Variants in ZW10 observed in about 807,000 individuals in gnomAD.
The protein encoded by ZW10 is zw10 kinetochore protein, also known as centromere/kinetochore protein zw10 homolog.
Under a neutral mutation model 87.8 loss-of-function variants are expected in ZW10, and 53 were observed. The ratio of observed to expected loss-of-function variants is 0.60; its 90% CI spans 0.48 to 0.76. The LOEUF is 0.76. Ranked by LOEUF, ZW10 falls within the 30% of genes least tolerant of loss-of-function variation. The pLI, the probability that ZW10 is intolerant of heterozygous loss-of-function variation, is 0.00. For synonymous variants in ZW10, 312 were observed against 329.2 expected (o/e 0.95, Z 0.57); for missense variants, 837 against 923.0 (o/e 0.91, Z 1.21).
chr11:113,758,522 T>C (rs756183997), intron 6 of ZW10, 32 bp downstream of exon 6: 1 of 1,606,194 alleles, frequency 6.2e-7, no homozygotes, highest in African/African-American at 1.3e-5. Context: ...TCAGGAGATT[T>C]TGTGTAAATG....
chr11:113,767,237 T>C (rs2134898221), intron 2 of ZW10, among the ~76,000 whole-genome samples: 1 of 152,196 alleles, frequency 6.6e-6, no homozygotes, highest in Admixed American at 6.5e-5. Context: ...CTCTTTTTAT[T>C]TATTTTTTTT....
chr11:113,758,161 G>A (rs1015622093), intron 6 of ZW10, among the ~76,000 whole-genome samples: 40 of 147,960 alleles, frequency 2.7e-4, no homozygotes, highest in Non-Finnish European at 4.9e-4. Flanking sequence ...CGACAAAAGC[G>A]AAAACTCCAT....
intron 9 of ZW10, among the ~76,000 whole-genome samples, chr11:113,746,437 A>G (rs1049120077): frequency 6.8e-6 from 1 of 146,360 alleles, no homozygotes; most frequent in Non-Finnish European, 1.5e-5. Context: ...ACATAGTAGT[A>G]GTATGTATGT....
chr11:113,740,912 C>A (rs544499935), intron 11 of ZW10, among the ~76,000 whole-genome samples: 3 of 152,300 alleles, frequency 2.0e-5, no homozygotes, highest in African/African-American at 7.2e-5. Flanking sequence ...AAGGACAAGG[C>A]TGTCAGCTAA....
At chr11:113,760,971 T>TA in intron 2 of ZW10, 53 bp from the exon 3 acceptor site, 4 of 1,416,752 alleles carry the variant, frequency 2.8e-6, no homozygotes, top group Non-Finnish European at 3.9e-6. Flanking sequence ...ACCTAAGAAA[T>TA]AAAAAATTTA....
At chr11:113,767,575 C>T (rs977134361) in intron 2 of ZW10, among the ~76,000 whole-genome samples, 7 of 152,020 alleles carry the variant, frequency 4.6e-5, no homozygotes, top group Non-Finnish European at 1.0e-4. Flanking sequence ...TGCCTCTGAA[C>T]ATTTTAACTG....
intron 13 of ZW10, 37 bp downstream of exon 13, chr11:113,738,227 T>C (rs766107496): frequency 2.8e-5 from 44 of 1,553,140 alleles, no homozygotes; most frequent in Non-Finnish European, 3.6e-5. Flanking sequence ...CATCTAAGGA[T>C]AGAATACAAA....
chr11:113,756,013 G>A (rs1437577070), intron 7 of ZW10, among the ~76,000 whole-genome samples: 2 of 152,140 alleles, frequency 1.3e-5, no homozygotes, highest in Non-Finnish European at 2.9e-5. Context: ...AAATTTGTGG[G>A]ACTCGCTTTA....
chr11:113,748,785 A>G (rs1953707242), intron 7 of ZW10, among the ~76,000 whole-genome samples: 1 of 152,236 alleles, frequency 6.6e-6, no homozygotes, highest in Non-Finnish European at 1.5e-5. Flanking sequence ...AATAATGAAT[A>G]AACATACTTT....
chr11:113,737,768 C>T lies in ZW10; in HGVS notation c.1885-65G>A, dbSNP rs1953570279. On this transcript the variant is annotated intron_variant, in intron 13 of 15. Coordinates refer to ENST00000200135, the MANE Select transcript of ZW10 (RefSeq NM_004724.4). ...CTGTGACTCGTATTTTCCAGATTTA[C>T]ATTTATCATTTGTGAGTTCATTGGG... 3.3e-6 allele frequency: 5 copies of T among 1,511,818 alleles called. No homozygotes were observed. The African/African-American group carries it at 4.1e-5, about 13-fold the overall frequency. The allele number at this position is 1,511,818 out of a possible 1,614,324, so 93.7% of individuals were successfully genotyped here. A position where few individuals can be genotyped will look rare whatever the true frequency, so the allele number is the denominator to read the frequency against.
Position 113,773,667 on chromosome 11 carries a change from G to A in ZW10, c.-1C>T, listed in dbSNP as rs747749446. The stretch of plus-strand genomic sequence containing the variant: ...AAACTTCTGTCACGAACGAGGCCAT[G>A]GCCAAGACGGGAACCAACGCTGACT... On this transcript the variant is annotated 5_prime_UTR_variant, in exon 1 of 16. Transcript: ENST00000200135. 7 of 1,612,806 alleles carry A rather than the reference G, an allele frequency of 4.3e-6. No individual in the cohort carries two copies. The highest frequency in any genetic ancestry group is 5.9e-6 in the Non-Finnish European group (7 of 1,179,340).
intron 9 of ZW10, among the ~76,000 whole-genome samples, chr11:113,744,478 G>T (rs1346326764): frequency 6.6e-6 from 1 of 152,152 alleles, no homozygotes; most frequent in African/African-American, 2.4e-5. Context: ...GCTCTACAGA[G>T]TAATTAAAAG....
intron 10 of ZW10, among the ~76,000 whole-genome samples, chr11:113,743,579 C>T (rs1390106843): frequency 2.0e-5 from 3 of 152,240 alleles, no homozygotes; most frequent in Admixed American, 6.5e-5. Context: ...CTACTTCCTA[C>T]ACCTTGCTCA....
At chr11:113,769,810 G>T in intron 1 of ZW10, 1 of 405,744 alleles carries the variant, frequency 2.5e-6, no homozygotes, top group Non-Finnish European at 4.8e-6. Flanking sequence ...TGATTCCACT[G>T]CATATAATTT....
chr11:113,743,906 T>C lies in ZW10; in HGVS notation c.1407A>G (p.Gln469=). Reference sequence around the variant, plus strand: ...GGCATGTGGGCAAGGAAAAGGAATGTTGGTCCAATGTATTTTCAGGCTCTA... The same window carrying C: ...GGCATGTGGGCAAGGAAAAGGAATGCTGGTCCAATGTATTTTCAGGCTCTA... The part of the protein sequence containing the change: ...MNLEPENTLD[Q]HSFSLPTCRI... Residue 469 remains glutamine, a synonymous_variant, in exon 10 of 16, where the codon CAA becomes CAG. Coordinates refer to ENST00000200135, the MANE Select transcript of ZW10 (RefSeq NM_004724.4). 1 of 1,614,190 alleles carries C rather than the reference T, an allele frequency of 6.2e-7. No individual in the cohort carries two copies. Among genetic ancestry groups the C allele is most frequent in the Non-Finnish European group, 8.5e-7 (1 of 1,180,022 alleles).
At chr11:113,737,750 T>A (rs768349764) in intron 13 of ZW10, 47 bp from the exon 14 acceptor site, 8 of 1,548,044 alleles carry the variant, frequency 5.2e-6, no homozygotes. Context: ...TTACTGTGAC[T>A]CGTATTTTCC....
In ZW10 at chr11:113,768,813, A is replaced by G. The variant is rs1187615500; in HGVS notation, c.240+20T>C. ...AACCACCTCCCTACAAACCTACCCAATATAACAAATTATCCTTACCTCACT... is the reference window on the plus strand; with the variant it reads ...AACCACCTCCCTACAAACCTACCCAGTATAACAAATTATCCTTACCTCACT... On this transcript the variant is annotated intron_variant, in intron 2 of 15. Coordinates refer to ENST00000200135, the MANE Select transcript of ZW10 (RefSeq NM_004724.4). 3.1e-6 allele frequency: 5 copies of G among 1,613,292 alleles called. No individual in the cohort carries two copies. Among genetic ancestry groups the G allele is most frequent in the Non-Finnish European group, 4.2e-6 (5 of 1,179,734 alleles).
At position 113,737,668 on chromosome 11, in the gene ZW10, C is replaced by A. The variant is rs1953568852; in HGVS notation, c.1920G>T (p.Trp640Cys). Reference sequence around the variant, plus strand: ...ATATATTCACTGGCAGGACATCCTGCCACACAATTCCAAGTCTCTTTAGTT... The same window carrying A: ...ATATATTCACTGGCAGGACATCCTGACACACAATTCCAAGTCTCTTTAGTT... ...LHQLKRLGIV[W>C]QDVLPVNIYC... The change falls in exon 14 of 16, where the codon TGG becomes TGT. Residue 640 changes from tryptophan (W) to cysteine (C), a missense_variant. Trp to Cys is a radical substitution (Grantham distance 215, BLOSUM62 -2). Transcript: ENST00000200135. 6.2e-7 allele frequency: 1 copy of A among 1,613,278 alleles called. No individual in the cohort carries two copies. The highest frequency in any genetic ancestry group is 8.5e-7 in the Non-Finnish European group (1 of 1,179,436).
intron 9 of ZW10, among the ~76,000 whole-genome samples, chr11:113,744,687 G>C (rs1953662220): frequency 6.6e-6 from 1 of 151,982 alleles, no homozygotes; most frequent in Non-Finnish European, 1.5e-5. Flanking sequence ...CTCCCATGTA[G>C]CTGGGACTAC....
Sources: allele counts gnomAD v4.1 joint callset (sites outside exome capture counted in the v4.1 genomes callset), GRCh38; gene constraint gnomAD v4.1.1; transcripts MANE v1.5; gene names NCBI Gene and HGNC (gene_info 2026-07-23, HGNC 2026-07-21).